SGCZ: variants seen among roughly 807,000 people sequenced by gnomAD.
SGCZ encodes zeta-sarcoglycan.
Under a neutral mutation model 41.3 loss-of-function variants are expected in SGCZ, and 40 were observed. The ratio of observed to expected loss-of-function variants is 0.97; its 90% CI spans 0.75 to 1.26. The LOEUF is 1.26. Among genes scored for constraint, SGCZ ranks in the 50% most tolerant of loss-of-function variants. The pLI, the probability that SGCZ is intolerant of heterozygous loss-of-function variation, is 0.00. For missense variants in SGCZ, 552 were observed against 369.8 expected (o/e 1.49, Z -4.04); for synonymous variants, 206 against 137.5 (o/e 1.50, Z -3.49).
chr8:14,420,646 G>C (rs1398602884), intron 2 of SGCZ, among the ~76,000 whole-genome samples: 2 of 152,024 alleles, frequency 1.3e-5, no homozygotes, highest in African/African-American at 4.8e-5. Flanking sequence ...AGATGCATTA[G>C]ATCCTGTTCA....
intron 1 of SGCZ, among the ~76,000 whole-genome samples, chr8:15,236,930 G>T (rs1444049112): frequency 6.6e-6 from 1 of 152,158 alleles, no homozygotes; most frequent in African/African-American, 2.4e-5. Context: ...CGAGTCCCCG[G>T]ACCTGCTCCC....
intron 1 of SGCZ, among the ~76,000 whole-genome samples, chr8:14,582,014 C>T (rs573851396): frequency 6.6e-6 from 1 of 152,198 alleles, no homozygotes; most frequent in African/African-American, 2.4e-5. Context: ...AAGACAAATC[C>T]TTCCTCTTCT....
At chr8:14,659,960 G>C (rs998733123) in intron 1 of SGCZ, among the ~76,000 whole-genome samples, 3 of 152,164 alleles carry the variant, frequency 2.0e-5, no homozygotes, top group Non-Finnish European at 4.4e-5. Flanking sequence ...ATGTGAACAT[G>C]AAGGCAGAGA....
chr8:15,106,143 CAT>C, intron 1 of SGCZ, among the ~76,000 whole-genome samples: 1 of 152,172 alleles, frequency 6.6e-6, no homozygotes, highest in Middle Eastern at 3.4e-3. Context: ...TGGTTAATTT[CAT>C]ATGTTTATTT....
intron 1 of SGCZ, among the ~76,000 whole-genome samples, chr8:14,829,329 C>A (rs533663261): frequency 7.1e-6 from 1 of 141,238 alleles, no homozygotes; most frequent in South Asian, 2.2e-4. Flanking sequence ...TTCCCAGAAA[C>A]GTCAATTCTT....
In SGCZ at chr8:14,533,460, T is replaced by A. The variant is rs191340691; in HGVS notation, c.234+21272A>T. Among the ~76,000 whole-genome samples the A allele has an allele frequency of 8.5e-4, 130 of 152,176 alleles. No homozygotes were observed. In the East Asian group the frequency reaches 8.7e-3, roughly 10 times the overall value. ...GATTGAGATTTTTAAAAACATTCTA[T>A]GCTAATGAGGAATGTGGAAGAAAAA... On this transcript the variant is annotated intron_variant, in intron 2 of 7. Transcript: ENST00000382080.
intron 2 of SGCZ, among the ~76,000 whole-genome samples, chr8:14,337,660 T>A (rs1260962912): frequency 2.6e-5 from 4 of 151,686 alleles, no homozygotes; most frequent in African/African-American, 9.7e-5. Context: ...CTGGGTAGGG[T>A]CGGAAAACCT....
At chr8:15,041,877 T>C (rs1314692086) in intron 1 of SGCZ, among the ~76,000 whole-genome samples, 3 of 152,164 alleles carry the variant, frequency 2.0e-5, no homozygotes, top group African/African-American at 7.2e-5. Flanking sequence ...ATCTATTATA[T>C]ATTCTGTTGA....
intron 4 of SGCZ, among the ~76,000 whole-genome samples, chr8:14,197,090 C>A (rs981340448): frequency 6.6e-6 from 1 of 152,000 alleles, no homozygotes; most frequent in Non-Finnish European, 1.5e-5. Context: ...TTAAAATGAA[C>A]ATGTTTAATA....
At chr8:14,398,971 A>T (rs955083890) in intron 2 of SGCZ, among the ~76,000 whole-genome samples, 84 of 152,224 alleles carry the variant, frequency 5.5e-4, no homozygotes, top group African/African-American at 2.0e-3. Context: ...ACAAGTGTAA[A>T]TGTTCCTTGA....
chr8:14,131,956 A>G (rs577728729), intron 5 of SGCZ, among the ~76,000 whole-genome samples: 6 of 150,228 alleles, frequency 4.0e-5, no homozygotes, highest in African/African-American at 2.5e-5. Flanking sequence ...GTGTAAATAC[A>G]CTCTATGATG....
chr8:14,536,377 G>A (rs776107704), intron 2 of SGCZ, among the ~76,000 whole-genome samples: 33 of 151,568 alleles, frequency 2.2e-4, no homozygotes, highest in Middle Eastern at 3.2e-3. Context: ...CTTCTGTATC[G>A]CACTGTAAAC....
At chr8:14,655,570 T>G (rs148127892) in intron 1 of SGCZ, among the ~76,000 whole-genome samples, 1 of 152,230 alleles carries the variant, frequency 6.6e-6, no homozygotes, top group African/African-American at 2.4e-5. Context: ...TATTTTGAGA[T>G]AATTGGAAAT....
At chr8:15,100,771 C>T (rs1424789802) in intron 1 of SGCZ, among the ~76,000 whole-genome samples, 1 of 152,050 alleles carries the variant, frequency 6.6e-6, no homozygotes, top group Admixed American at 6.6e-5. Flanking sequence ...TCACTTAACC[C>T]CAGAAATTCA....
intron 1 of SGCZ, among the ~76,000 whole-genome samples, chr8:14,816,225 C>A (rs73664482): frequency 2.0e-5 from 3 of 152,182 alleles, no homozygotes; most frequent in African/African-American, 7.2e-5. Flanking sequence ...TCACTACACA[C>A]GTGTGAGTGG....
At position 14,721,975 on chromosome 8, in the gene SGCZ, C is replaced by A. The variant is rs183308814; in HGVS notation, c.40-167049G>T. Among the ~76,000 whole-genome samples, 419 of 152,228 alleles carry A rather than the reference C, an allele frequency of 2.8e-3. 3 individuals carry two copies. The highest frequency in any genetic ancestry group is 8.4e-3 in the African/African-American group (349 of 41,532). On this transcript the variant is annotated intron_variant, in intron 1 of 7. Coordinates refer to ENST00000382080, the MANE Select transcript of SGCZ (RefSeq NM_139167.4). ...TCTCACTGGCCCTTCTGCCTAAATA[C>A]CCTCTCTCAGGTGTTTCTATGATTC...
chr8:14,160,300 A>AAT (rs1210230779), intron 5 of SGCZ, among the ~76,000 whole-genome samples: 2 of 152,200 alleles, frequency 1.3e-5, no homozygotes, highest in African/African-American at 4.8e-5. Flanking sequence ...TTCTAAAGTT[A>AAT]ATATACTATG....
intron 1 of SGCZ, among the ~76,000 whole-genome samples, chr8:14,790,602 T>G (rs183751645): frequency 6.6e-6 from 1 of 152,156 alleles, no homozygotes; most frequent in Non-Finnish European, 1.5e-5. Context: ...GAATTAAAGG[T>G]AAGAAACAAA....
At chr8:14,852,764 A>C (rs1803380001) in intron 1 of SGCZ, among the ~76,000 whole-genome samples, 1 of 152,204 alleles carries the variant, frequency 6.6e-6, no homozygotes, top group African/African-American at 2.4e-5. Flanking sequence ...GCAAAGTACA[A>C]AAAATTTTCT....
Sources: gnomAD v4.1 joint callset for allele counts (sites outside exome capture counted in the v4.1 genomes callset) on GRCh38, gnomAD v4.1.1 for gene constraint, MANE v1.5 for transcripts, NCBI Gene and HGNC (gene_info 2026-07-23, HGNC 2026-07-21) for gene names.